The following SFI1 variants were observed in gnomAD, a reference collection of about 807,000 sequenced individuals.
SFI1 encodes protein SFI1 homolog.
In SFI1, 195 loss-of-function variants were observed where a neutral mutation model predicts 207.5. The observed-to-expected ratio is 0.94, with a 90% CI of 0.84 to 1.06. The LOEUF (loss-of-function observed/expected upper bound fraction) is 1.06. SFI1 is among the 50% of genes least tolerant of loss of function. SFI1 has a pLI of 0.00. For missense variants in SFI1, 1,634 were observed against 1,588.0 expected (o/e 1.03, Z -0.49); for synonymous variants, 630 against 598.9 (o/e 1.05, Z -0.76).
chr22:31,534,584 G>T (rs1035401232), intron 4 of SFI1, among the ~76,000 whole-genome samples: 5 of 151,890 alleles, frequency 3.3e-5, no homozygotes, highest in African/African-American at 4.8e-5. Context: ...ATTTTCACTG[G>T]GTATGAAAGT....
rs372059745 is a variant in SFI1, at chr22:31,589,562, C to A, written c.1529C>A (p.Ala510Glu). The part of the protein sequence containing the change: ...RHQENVLSAR[A>E]TRFHRETLEK... Reference sequence around the variant, plus strand: ...CAGGAAAATGTCCTCAGTGCAAGAGCAACACGTTTCCACAGGTATGTTGCG... The same window carrying A: ...CAGGAAAATGTCCTCAGTGCAAGAGAAACACGTTTCCACAGGTATGTTGCG... Residue 510 changes from alanine to glutamate, a missense_variant, in exon 15 of 33, where the codon GCA becomes GAA. Ala to Glu is a moderately radical substitution (Grantham distance 107). Coordinates refer to ENST00000400288, the MANE Select transcript of SFI1 (RefSeq NM_001007467.3). The A allele has an allele frequency of 6.2e-7, 1 of 1,613,002 alleles. No homozygotes were observed. The highest frequency in any genetic ancestry group is 1.7e-5 in the Admixed American group (1 of 59,588).
chr22:31,614,936 T>G, intron 28 of SFI1, 76 bp downstream of exon 28: 1 of 1,582,664 alleles, frequency 6.3e-7, no homozygotes, highest in East Asian at 2.3e-5. Flanking sequence ...CACCTCCATG[T>G]GGGGCCTGTG....
At chr22:31,511,560 C>T (rs1041906307) in intron 2 of SFI1, among the ~76,000 whole-genome samples, 1 of 151,236 alleles carries the variant, frequency 6.6e-6, no homozygotes, top group African/African-American at 2.4e-5. Context: ...CTCTGCCTCC[C>T]AGTTCAAGCA....
chr22:31,517,715 C>T (rs1402476856), intron 2 of SFI1, among the ~76,000 whole-genome samples: 2 of 152,010 alleles, frequency 1.3e-5, no homozygotes, highest in Non-Finnish European at 2.9e-5. Flanking sequence ...AAAAACTGCT[C>T]TATAGTGCCA....
chr22:31,616,960 G>T, intron 30 of SFI1, 40 bp from the exon 31 acceptor site: 6 of 1,613,890 alleles, frequency 3.7e-6, no homozygotes, highest in Non-Finnish European at 5.1e-6. Context: ...GGTCCCCGAG[G>T]GGAAAATAGT....
chr22:31,563,781 T>G (rs1277796842), intron 8 of SFI1, among the ~76,000 whole-genome samples: 1 of 151,632 alleles, frequency 6.6e-6, no homozygotes, highest in Non-Finnish European at 1.5e-5. Flanking sequence ...GACGGGGTTT[T>G]GCCATGTTGG....
At chr22:31,547,286 G>A (rs904040254) in intron 5 of SFI1, among the ~76,000 whole-genome samples, 12 of 152,024 alleles carry the variant, frequency 7.9e-5, no homozygotes, top group African/African-American at 2.9e-4. Context: ...CATTCTGAAA[G>A]TATTCTGGGT....
intron 1 of SFI1, among the ~76,000 whole-genome samples, chr22:31,502,143 G>A (rs1486438235): frequency 6.6e-6 from 1 of 152,118 alleles, no homozygotes; most frequent in Admixed American, 6.6e-5. Flanking sequence ...ATTTATTTCA[G>A]TGTTTAATAT....
rs149517751 is a variant in SFI1 at position 31,560,900 on chromosome 22, C to T, written c.663-390C>T. On this transcript the variant is annotated intron_variant, in intron 7 of 32. Coordinates refer to ENST00000400288, the MANE Select transcript of SFI1 (RefSeq NM_001007467.3). ...TATTTTTAATAGAGACAGGGTTTCA[C>T]TGTGTTGGCCAGGCTAGTCTTTTAA... Among the ~76,000 whole-genome samples the T allele has an allele frequency of 1.9e-3, 289 of 152,138 alleles. 1 individual carries two copies. Among genetic ancestry groups the T allele is most frequent in the African/African-American group, 6.5e-3 (271 of 41,502 alleles).
chr22:31,561,431 G>T (rs775412351), intron 8 of SFI1, 39 bp downstream of exon 8: 1 of 1,562,354 alleles, frequency 6.4e-7, no homozygotes, highest in Non-Finnish European at 8.7e-7. Context: ...TCCTCTGTCA[G>T]TGTTGTCAAG....
chr22:31,614,957 C>A, intron 28 of SFI1, 91 bp from the exon 29 acceptor site: 1 of 1,575,574 alleles, frequency 6.3e-7, no homozygotes. Context: ...TTTTGGCAGC[C>A]CTGGGGTGGG....
At chr22:31,503,830 C>T (rs1284594721) in intron 1 of SFI1, among the ~76,000 whole-genome samples, 1 of 151,604 alleles carries the variant, frequency 6.6e-6, no homozygotes, top group Non-Finnish European at 1.5e-5. Flanking sequence ...CTCAGGTGAT[C>T]CACCTGCTTC....
At chr22:31,616,715 G>A (rs771975883) in intron 29 of SFI1, 30 bp from the exon 30 acceptor site, 2 of 1,512,126 alleles carry the variant, frequency 1.3e-6, no homozygotes, top group African/African-American at 2.8e-5. Flanking sequence ...TAGCTTCCTT[G>A]CTCAGCATCT....
chr22:31,526,367 G>A (rs1425645002), intron 2 of SFI1, among the ~76,000 whole-genome samples: 1 of 152,160 alleles, frequency 6.6e-6, no homozygotes, highest in Non-Finnish European at 1.5e-5. Context: ...AAAGTGCAGG[G>A]TGAAGTGGGG....
At chr22:31,569,638 T>C (rs919845606) in intron 8 of SFI1, among the ~76,000 whole-genome samples, 11 of 152,056 alleles carry the variant, frequency 7.2e-5, no homozygotes, top group Admixed American at 3.3e-4. Flanking sequence ...AATGGACCAC[T>C]CTGGCTGTTG....
intron 12 of SFI1, among the ~76,000 whole-genome samples, chr22:31,581,026 G>A (rs1350246957): frequency 6.6e-6 from 1 of 151,874 alleles, no homozygotes; most frequent in African/African-American, 2.4e-5. Context: ...CTTATTTAGA[G>A]GCAGGGTCTT....
chr22:31,595,773 G>A (rs1257210776), intron 15 of SFI1, among the ~76,000 whole-genome samples: 1 of 152,164 alleles, frequency 6.6e-6, no homozygotes, highest in Non-Finnish European at 1.5e-5. Flanking sequence ...GGGCAAGATG[G>A]GGAGGCCCAG....
chr22:31,497,988 CATT>C (rs1463513367), intron 1 of SFI1, among the ~76,000 whole-genome samples: 2 of 152,184 alleles, frequency 1.3e-5, no homozygotes, highest in African/African-American at 4.8e-5. Flanking sequence ...ACTTTCAAGT[CATT>C]ATTTAAGAAA....
chr22:31,576,791 C>T (rs2063566484), intron 10 of SFI1, among the ~76,000 whole-genome samples: 1 of 152,032 alleles, frequency 6.6e-6, no homozygotes, highest in Non-Finnish European at 1.5e-5. Flanking sequence ...AGGCATGCAC[C>T]ACCATGTCCG....
Sources: gnomAD v4.1 joint callset for allele counts (sites outside exome capture counted in the v4.1 genomes callset) on GRCh38, gnomAD v4.1.1 for gene constraint, MANE v1.5 for transcripts, NCBI Gene and HGNC (gene_info 2026-07-23, HGNC 2026-07-21) for gene names.